RPS6KA5: variants seen among roughly 807,000 people sequenced by gnomAD.
The protein encoded by RPS6KA5 is ribosomal protein S6 kinase A5, also known as ribosomal protein S6 kinase alpha-5.
Under a neutral mutation model 85.5 loss-of-function variants are expected in RPS6KA5, and 27 were observed. That is an observed-to-expected ratio of 0.32 (90% CI 0.23 to 0.44). The LOEUF is 0.44. RPS6KA5 is among the 20% of genes least tolerant of loss of function. The probability of loss-of-function intolerance (pLI) is 1.00; values close to 1 mark genes in which losing one functional copy is unlikely to be tolerated. For missense variants in RPS6KA5, 811 were observed against 980.9 expected (o/e 0.83, Z 2.31); for synonymous variants, 334 against 348.2 (o/e 0.96, Z 0.46).
At position 90,866,041 on chromosome 14, in the gene RPS6KA5, T is replaced by G. The variant is rs1419551491; in HGVS notation, c.*6033A>C. The G allele has an allele frequency of 2.0e-5, 3 of 149,874 alleles. No individual in the cohort carries two copies. The highest frequency in any genetic ancestry group is 4.5e-5 in the Non-Finnish European group (3 of 67,352). 9.3% of individuals were successfully genotyped at this position (149,874 alleles called of 1,614,324 possible). Reference sequence around the variant, plus strand: ...TCTGAACGGAATTACAATTTATAAATGTAGGTCCACATGCAGATATCTTAA... The same window carrying G: ...TCTGAACGGAATTACAATTTATAAAGGTAGGTCCACATGCAGATATCTTAA... On this transcript the variant is annotated 3_prime_UTR_variant, in exon 17 of 17. Coordinates refer to ENST00000614987, the MANE Select transcript of RPS6KA5 (RefSeq NM_004755.4).
At position 90,975,755 on chromosome 14, in the gene RPS6KA5, TAACTG is replaced by T. The variant is rs1251022403; in HGVS notation, c.394+2546_394+2550del. Among the ~76,000 whole-genome samples, 5 of 152,358 alleles carry T rather than the reference TAACTG, an allele frequency of 3.3e-5. No homozygotes were observed. In the East Asian group the frequency reaches 9.6e-4, roughly 29 times the overall value. ...TGTGCATTAGGGCACTGCAAACAAA[TAACTG>T]AACCATTAAAACAGTCTATGGTCCT... is the stretch of plus-strand genomic sequence containing the variant. On this transcript the variant is annotated intron_variant, in intron 3 of 16. Coordinates refer to ENST00000614987, the MANE Select transcript of RPS6KA5 (RefSeq NM_004755.4).
At chr14:90,955,426 A>AT (rs1269609367) in intron 3 of RPS6KA5, among the ~76,000 whole-genome samples, 2 of 151,956 alleles carry the variant, frequency 1.3e-5, no homozygotes, top group Non-Finnish European at 2.9e-5. Context: ...GGCTAAAATT[A>AT]TTTTTTTGTG....
chr14:91,027,163 C>T (rs886976729), intron 1 of RPS6KA5, among the ~76,000 whole-genome samples: 1 of 152,108 alleles, frequency 6.6e-6, no homozygotes, highest in South Asian at 2.1e-4. Flanking sequence ...CTTGCAATTG[C>T]TTTTTCAGGA....
intron 2 of RPS6KA5, among the ~76,000 whole-genome samples, chr14:90,979,983 A>G (rs2039722678): frequency 6.6e-6 from 1 of 152,236 alleles, no homozygotes; most frequent in African/African-American, 2.4e-5. Flanking sequence ...TAATATAACC[A>G]GTACTGTAAA....
chr14:90,952,818 C>T (rs1469329031), intron 3 of RPS6KA5, among the ~76,000 whole-genome samples: 2 of 152,200 alleles, frequency 1.3e-5, no homozygotes, highest in East Asian at 3.8e-4. Context: ...TTGGACATAA[C>T]TAAATTAAAG....
chr14:90,944,445 T>C (rs925452240), intron 4 of RPS6KA5, among the ~76,000 whole-genome samples: 2 of 149,532 alleles, frequency 1.3e-5, no homozygotes, highest in African/African-American at 4.9e-5. Context: ...GTGAGACCCA[T>C]CTCTACAAAA....
chr14:90,894,036 A>C (rs1595145606), intron 13 of RPS6KA5: 1 of 925,298 alleles, frequency 1.1e-6, no homozygotes, highest in South Asian at 5.0e-5. Context: ...AAATGTAAAA[A>C]ATAAGTTTTC....
At chr14:91,049,682 A>G (rs1325587716) in intron 1 of RPS6KA5, among the ~76,000 whole-genome samples, 1 of 152,186 alleles carries the variant, frequency 6.6e-6, no homozygotes, top group African/African-American at 2.4e-5. Flanking sequence ...ACACACACAT[A>G]TTCAGTATGC....
intron 7 of RPS6KA5, among the ~76,000 whole-genome samples, chr14:90,907,806 C>T (rs1262652740): frequency 6.6e-6 from 1 of 152,216 alleles, no homozygotes; most frequent in Non-Finnish European, 1.5e-5. Context: ...AGACAATCCT[C>T]TTCTCAGATC....
chr14:90,904,833 A>G (rs1461545721), intron 8 of RPS6KA5, among the ~76,000 whole-genome samples: 1 of 152,228 alleles, frequency 6.6e-6, no homozygotes, highest in Non-Finnish European at 1.5e-5. Flanking sequence ...CAAGCTACTG[A>G]AAAGAGAAAT....
At chr14:90,917,145 A>G (rs2036161484) in intron 7 of RPS6KA5, among the ~76,000 whole-genome samples, 1 of 152,186 alleles carries the variant, frequency 6.6e-6, no homozygotes, top group South Asian at 2.1e-4. Flanking sequence ...ACAGTTTCCT[A>G]TAGTCTGAGG....
Position 91,060,353 on chromosome 14 carries a change from C to T in RPS6KA5, c.82G>A (p.Val28Ile), listed in dbSNP as rs747349129. 2.7e-6 allele frequency: 4 copies of T among 1,469,190 alleles called. No individual in the cohort carries two copies. Among genetic ancestry groups the T allele is most frequent in the South Asian group, 1.4e-5 (1 of 72,646 alleles). 91.0% of individuals were successfully genotyped at this position (1,469,190 alleles called of 1,614,324 possible). Reference protein sequence around the residue: ...GGDGGEQLLTVKHELRTANLT... With the variant: ...GGDGGEQLLTIKHELRTANLT... ...TCACCAGTCCGCAGCTCGTGCTTGA[C>T]AGTGAGGAGCTGCTCTCCTCCGTCG... The change falls in exon 1 of 17, where the codon GTC becomes ATC. Residue 28 changes from valine (V) to isoleucine (I), a missense_variant. Val to Ile is a conservative substitution (Grantham distance 29). Around this residue, in one of 3 missense-constraint regions of RPS6KA5, gnomAD observed 113 missense variants for 100.0 expected, o/e 1.13. Transcript: ENST00000614987.
chr14:90,957,255 G>T (rs1039718855), intron 3 of RPS6KA5, among the ~76,000 whole-genome samples: 4 of 152,102 alleles, frequency 2.6e-5, no homozygotes, highest in Non-Finnish European at 5.9e-5. Flanking sequence ...AGTAGAGACA[G>T]GGTTTCGCCA....
At chr14:90,887,595 G>C (rs1226719104) in intron 14 of RPS6KA5, among the ~76,000 whole-genome samples, 1 of 151,790 alleles carries the variant, frequency 6.6e-6, no homozygotes, top group Non-Finnish European at 1.5e-5. Flanking sequence ...AATTTCCCTA[G>C]CTGTGGTATA....
chr14:90,926,664 A>AGAGT (rs1555363489), intron 5 of RPS6KA5, among the ~76,000 whole-genome samples: 1 of 143,226 alleles, frequency 7.0e-6, no homozygotes, highest in African/African-American at 2.6e-5. Flanking sequence ...TATATATTTA[A>AGAGT]GTGTGTGTGT....
intron 3 of RPS6KA5, among the ~76,000 whole-genome samples, chr14:90,970,878 T>G (rs551875627): frequency 6.6e-5 from 10 of 150,686 alleles, no homozygotes; most frequent in Non-Finnish European, 1.5e-4. Context: ...TAGCTATAAA[T>G]CAGAGGCTTA....
At position 90,848,864 on chromosome 14, in the gene RPS6KA5, T is replaced by C. The variant is rs1176981917; in HGVS notation, c.*23210A>G. Reference sequence around the variant, plus strand: ...ATGGACTTCATAGAATCCCTTATACTTTGTAACATTTTCTGCTTCCTTCTT... The same window carrying C: ...ATGGACTTCATAGAATCCCTTATACCTTGTAACATTTTCTGCTTCCTTCTT... On this transcript the variant is annotated 3_prime_UTR_variant, in exon 17 of 17. Transcript: ENST00000614987. 1.3e-5 allele frequency: 2 copies of C among 152,106 alleles called. No individual in the cohort carries two copies. The highest frequency in any genetic ancestry group is 1.5e-5 in the Non-Finnish European group (1 of 68,026). The allele number at this position is 152,106 out of a possible 1,614,324, so 9.4% of individuals were successfully genotyped here.
chr14:91,030,443 T>C (rs925283707), intron 1 of RPS6KA5, among the ~76,000 whole-genome samples: 1 of 151,408 alleles, frequency 6.6e-6, no homozygotes, highest in Non-Finnish European at 1.5e-5. Context: ...TGGGTAAAAG[T>C]TGTTGATATT....
chr14:90,899,018 G>A (rs932610107), intron 12 of RPS6KA5, among the ~76,000 whole-genome samples: 4 of 152,162 alleles, frequency 2.6e-5, no homozygotes, highest in East Asian at 3.9e-4. Flanking sequence ...GGGTAGAAGC[G>A]GCACTGGCAA....
Sources: allele counts gnomAD v4.1 joint callset (sites outside exome capture counted in the v4.1 genomes callset), GRCh38; gene constraint gnomAD v4.1.1; regional missense constraint gnomAD v4.1.1; transcripts MANE v1.5; gene names NCBI Gene and HGNC (gene_info 2026-07-23, HGNC 2026-07-21).